Variants in THSD7B observed in about 807,000 individuals in gnomAD.
THSD7B encodes thrombospondin type-1 domain-containing protein 7B.
In THSD7B, 138 loss-of-function variants were observed where a neutral mutation model predicts 213.6. The observed-to-expected ratio is 0.65, with a 90% CI of 0.56 to 0.74. The LOEUF (loss-of-function observed/expected upper bound fraction) is 0.74. Ranked by LOEUF, THSD7B falls within the 30% of genes least tolerant of loss-of-function variation. The pLI, the probability that THSD7B is intolerant of heterozygous loss-of-function variation, is 0.00. For synonymous variants in THSD7B, 742 were observed against 687.0 expected, an observed-to-expected ratio of 1.08 and a Z score of -1.25; for missense variants, 1,931 against 1,991.5, an observed-to-expected ratio of 0.97 and a Z score of 0.58.
In THSD7B at chr2:137,676,516, C is replaced by T. The variant is rs757895864; in HGVS notation, c.4740-8C>T. On this transcript the variant is annotated splice_region_variant and splice_polypyrimidine_tract_variant and intron_variant, in intron 27 of 27. Transcript: ENST00000409968. ...TACTTGATCTGAGGAATTTTTTTCC[C>T]TTTGCAGCAAGAAGCCAAAACCACA... 5 of 1,583,350 alleles carry T rather than the reference C, an allele frequency of 3.2e-6. No homozygotes were observed. In the South Asian group the frequency reaches 4.7e-5, roughly 15 times the overall value.
chr2:137,591,821 C>A lies in THSD7B; in HGVS notation c.3423+19265C>A, dbSNP rs937249350. Among the ~76,000 whole-genome samples, 13 of 151,830 alleles carry A rather than the reference C, an allele frequency of 8.6e-5. 1 individual carries two copies. The highest frequency in any genetic ancestry group is 6.2e-4 in the South Asian group (3 of 4,832). ...TTTGTTTATATAATGTTCGGCTGAT[C>A]TTTGTTTCATACGAACATTTTGCCT... On this transcript the variant is annotated intron_variant, in intron 17 of 27. Coordinates refer to ENST00000409968, the MANE Select transcript of THSD7B (RefSeq NM_001316349.2).
At chr2:137,392,498 A>G (rs1422459121) in intron 12 of THSD7B, among the ~76,000 whole-genome samples, 1 of 152,072 alleles carries the variant, frequency 6.6e-6, no homozygotes, top group East Asian at 1.9e-4. Context: ...ATCATTGTAT[A>G]GTGATCATTT....
intron 2 of THSD7B, among the ~76,000 whole-genome samples, chr2:136,909,736 A>C (rs1205962216): frequency 6.6e-6 from 1 of 152,228 alleles, no homozygotes; most frequent in Non-Finnish European, 1.5e-5. Flanking sequence ...GTCCTAAACA[A>C]TGTTTGAAAT....
chr2:137,170,735 T>G lies in THSD7B; in HGVS notation c.1526-6T>G. ...TCTCTGAAAATTCTTTTCTCTCTCT[T>G]TTTAGGATTTAGAACGAGGCAGCGC... On this transcript the variant is annotated splice_region_variant and splice_polypyrimidine_tract_variant and intron_variant, in intron 6 of 27. Coordinates refer to ENST00000409968, the MANE Select transcript of THSD7B (RefSeq NM_001316349.2). The G allele has an allele frequency of 6.2e-7, 1 of 1,605,326 alleles. No homozygotes were observed. The highest frequency in any genetic ancestry group is 2.2e-5 in the East Asian group (1 of 44,668).
At chr2:137,047,641 A>G (rs1289304100) in intron 2 of THSD7B, among the ~76,000 whole-genome samples, 1 of 152,158 alleles carries the variant, frequency 6.6e-6, no homozygotes, top group Non-Finnish European at 1.5e-5. Flanking sequence ...GCCGTGGTCC[A>G]CCAGTAGTGC....
intron 27 of THSD7B, among the ~76,000 whole-genome samples, chr2:137,670,639 C>T (rs190129801): frequency 9.5e-4 from 144 of 152,120 alleles, no homozygotes; most frequent in African/African-American, 3.2e-3. Flanking sequence ...TGCTCATCTT[C>T]GGCCAGGTGC....
At chr2:137,280,501 G>A (rs1275967032) in intron 12 of THSD7B, among the ~76,000 whole-genome samples, 2 of 152,058 alleles carry the variant, frequency 1.3e-5, no homozygotes, top group East Asian at 3.9e-4. Context: ...TCATGGTTAA[G>A]ATTTCATTCG....
chr2:137,329,187 T>A (rs1373753378), intron 12 of THSD7B, among the ~76,000 whole-genome samples: 1 of 152,142 alleles, frequency 6.6e-6, no homozygotes, highest in African/African-American at 2.4e-5. Context: ...ATGCTGATAG[T>A]GATATGAACA....
intron 14 of THSD7B, among the ~76,000 whole-genome samples, chr2:137,434,845 C>T (rs1687259211): frequency 6.6e-6 from 1 of 152,304 alleles, no homozygotes; most frequent in Non-Finnish European, 1.5e-5. Context: ...TATTCTCCCT[C>T]TCCCTCAAGG....
At chr2:137,131,714 G>T (rs1688735949) in intron 5 of THSD7B, among the ~76,000 whole-genome samples, 2 of 152,158 alleles carry the variant, frequency 1.3e-5, no homozygotes, top group South Asian at 2.1e-4. Flanking sequence ...ATTTCTGAGA[G>T]CTCTGTTCTG....
chr2:137,364,249 A>T (rs929765325), intron 12 of THSD7B, among the ~76,000 whole-genome samples: 2 of 152,236 alleles, frequency 1.3e-5, no homozygotes, highest in Non-Finnish European at 2.9e-5. Context: ...ATATCTCAAA[A>T]TAATAAGAGC....
At chr2:137,424,915 C>CA (rs1687009764) in intron 14 of THSD7B, among the ~76,000 whole-genome samples, 1 of 151,444 alleles carries the variant, frequency 6.6e-6, no homozygotes, top group South Asian at 2.1e-4. Context: ...ACTAAAAATA[C>CA]AAAAAAATTA....
At position 137,381,567 on chromosome 2, in the gene THSD7B, C is replaced by T. The variant is rs1175726513; in HGVS notation, c.2501-24046C>T. On this transcript the variant is annotated intron_variant, in intron 12 of 27. Transcript: ENST00000409968. ...GCAGGCCTGGAGGTCATCAGCAGTA[C>T]CAAGGGGTCCATGCTGTAAAGAAGG... Among the ~76,000 whole-genome samples the T allele has an allele frequency of 2.0e-5, 3 of 152,200 alleles. No individual in the cohort carries two copies. In the East Asian group the frequency reaches 5.8e-4, roughly 30 times the overall value.
intron 2 of THSD7B, among the ~76,000 whole-genome samples, chr2:137,002,732 A>T (rs1032193577): frequency 6.6e-6 from 1 of 152,042 alleles, no homozygotes; most frequent in Non-Finnish European, 1.5e-5. Context: ...CCTGTATTTG[A>T]TTCTATATCA....
chr2:136,890,469 TCTC>T (rs1307737358), intron 2 of THSD7B, among the ~76,000 whole-genome samples: 185 of 1,300 alleles, frequency 0.14, 83 homozygotes, highest in South Asian at 1. Flanking sequence ...TCTCCTTTCT[TCTC>T]CTTTCTTCTC....
chr2:137,450,857 A>G lies in THSD7B; in HGVS notation c.2972A>G (p.Glu991Gly), dbSNP rs1334573842. 6.2e-7 allele frequency: 1 copy of G among 1,604,596 alleles called. No homozygotes were observed. Among genetic ancestry groups the G allele is most frequent in the Non-Finnish European group, 8.5e-7 (1 of 1,176,186 alleles). The change falls in exon 15 of 28, where the codon GAA becomes GGA. Residue 991 changes from glutamate to glycine, a missense_variant. Glu to Gly is a moderately conservative substitution (Grantham distance 98). Coordinates refer to ENST00000409968, the MANE Select transcript of THSD7B (RefSeq NM_001316349.2). ...SFCSSSGYIQ[E>G]KCVIPCPFDC... Reference sequence around the variant, plus strand: ...CTTTTTCTGTCAGGTTACATTCAAGAAAAATGTGTCATTCCCTGCCCATTT... The same window carrying G: ...CTTTTTCTGTCAGGTTACATTCAAGGAAAATGTGTCATTCCCTGCCCATTT...
chr2:137,599,737 AAACATCTAGCTCG>A (rs1682040404), intron 17 of THSD7B, among the ~76,000 whole-genome samples: 1 of 152,218 alleles, frequency 6.6e-6, no homozygotes, highest in Non-Finnish European at 1.5e-5. Context: ...TGATATCGAC[AAACATCTAGCTCG>A]AAGAAATTCA....
chr2:137,361,268 T>A (rs1685249946), intron 12 of THSD7B, among the ~76,000 whole-genome samples: 1 of 152,146 alleles, frequency 6.6e-6, no homozygotes, highest in African/African-American at 2.4e-5. Context: ...ACCACAAAGA[T>A]GGCGAGGAAC....
At chr2:137,628,926 T>C (rs536300346) in intron 20 of THSD7B, among the ~76,000 whole-genome samples, 4 of 152,294 alleles carry the variant, frequency 2.6e-5, no homozygotes, top group African/African-American at 9.6e-5. Flanking sequence ...GCACTTTTCC[T>C]TACATGGAAC....
Sources: allele counts gnomAD v4.1 joint callset (sites outside exome capture counted in the v4.1 genomes callset), GRCh38; gene constraint gnomAD v4.1.1; transcripts MANE v1.5; gene names NCBI Gene and HGNC (gene_info 2026-07-23, HGNC 2026-07-21).